Variants in PARD3B observed in about 807,000 individuals in gnomAD.
PARD3B encodes the protein partitioning defective 3 homolog B.
Under a neutral mutation model 130.2 loss-of-function variants are expected in PARD3B, and 103 were observed. That is an observed-to-expected ratio of 0.79 (90% confidence interval 0.67 to 0.93). The LOEUF (loss-of-function observed/expected upper bound fraction) is 0.93, where lower values mean the gene tolerates loss of function less well. PARD3B is among the 40% of genes least tolerant of loss of function. The pLI is 0.00. For missense variants in PARD3B, 1,609 were observed against 1,499.2 expected (o/e 1.07, Z -1.21); for synonymous variants, 583 against 553.2 (o/e 1.05, Z -0.76).
At chr2:204,948,185 G>A (rs576597087) in intron 2 of PARD3B, among the ~76,000 whole-genome samples, 1 of 152,278 alleles carries the variant, frequency 6.6e-6, no homozygotes, top group South Asian at 2.1e-4. Flanking sequence ...CAGCCTCTGA[G>A]GATTTATGGA....
At chr2:205,014,474 G>T (rs531256276) in intron 3 of PARD3B, among the ~76,000 whole-genome samples, 148 of 152,308 alleles carry the variant, frequency 9.7e-4, no homozygotes, top group Non-Finnish European at 1.1e-3. Flanking sequence ...ATGCCCCAGT[G>T]TGTGTGCCGA....
chr2:205,048,762 G>T (rs1387968356), intron 4 of PARD3B, among the ~76,000 whole-genome samples: 1 of 152,240 alleles, frequency 6.6e-6, no homozygotes, highest in African/African-American at 2.4e-5. Context: ...TAGATTTGTG[G>T]CAATATTTTG....
Position 205,228,508 on chromosome 2 carries a change from C to CT in PARD3B, c.2141-17266dup, listed in dbSNP as rs201043375. Reference sequence around the variant, plus strand: ...GAGCTCCATTGTTTATTATTTGTTTCTTTTCTCTTGCTGCTTTTGGGATCC... The same window carrying CT: ...GAGCTCCATTGTTTATTATTTGTTTCTTTTTCTCTTGCTGCTTTTGGGATCC... On this transcript the variant is annotated intron_variant, in intron 15 of 22. Transcript: ENST00000406610. Among the ~76,000 whole-genome samples, 107 of 151,980 alleles carry CT rather than the reference C, an allele frequency of 7.0e-4. 1 individual carries two copies. In the East Asian group the frequency reaches 0.019, roughly 27 times the overall value.
chr2:204,886,513 T>A (rs1444898635), intron 2 of PARD3B, among the ~76,000 whole-genome samples: 1 of 152,260 alleles, frequency 6.6e-6, no homozygotes, highest in Non-Finnish European at 1.5e-5. Flanking sequence ...GTCTATGTAC[T>A]TTTATCACAC....
At chr2:205,423,448 A>C (rs370736709) in intron 19 of PARD3B, among the ~76,000 whole-genome samples, 1 of 152,296 alleles carries the variant, frequency 6.6e-6, no homozygotes, top group South Asian at 2.1e-4. Context: ...GTACTTAGTA[A>C]ATACTCAATA....
chr2:204,721,019 T>C (rs1490679782), intron 2 of PARD3B, among the ~76,000 whole-genome samples: 3 of 152,094 alleles, frequency 2.0e-5, no homozygotes, highest in African/African-American at 7.2e-5. Context: ...AATCTGAGAA[T>C]GAGTACTACT....
At chr2:204,611,365 C>G (rs893605655) in intron 1 of PARD3B, among the ~76,000 whole-genome samples, 4 of 152,092 alleles carry the variant, frequency 2.6e-5, no homozygotes, top group African/African-American at 9.7e-5. Context: ...GTGGGGAAAC[C>G]CTTGTCATGA....
intron 1 of PARD3B, among the ~76,000 whole-genome samples, chr2:204,638,695 G>A (rs1212040139): frequency 6.6e-6 from 1 of 151,976 alleles, no homozygotes; most frequent in African/African-American, 2.4e-5. Flanking sequence ...GGGGAGGAGG[G>A]GGACTTCAAA....
At position 205,564,302 on chromosome 2, in the gene PARD3B, T is replaced by G. The variant is rs980293689; in HGVS notation, c.3260+10899T>G. Among the ~76,000 whole-genome samples the G allele has an allele frequency of 6.6e-6, 1 of 152,182 alleles. No homozygotes were observed. The highest frequency in any genetic ancestry group is 1.5e-5 in the Non-Finnish European group (1 of 68,034). On this transcript the variant is annotated intron_variant, in intron 22 of 22. Coordinates refer to ENST00000406610, the MANE Select transcript of PARD3B (RefSeq NM_001302769.2). This position sits in a 1 kb window ranked among gnomAD's most constrained non-coding sequence, Gnocchi z 4.6. ...TCCCACCCTAAATCACTGCAGTGTA[T>G]ATTAAAATGAGCATTTCAATGGATA...
intron 15 of PARD3B, among the ~76,000 whole-genome samples, chr2:205,218,601 A>G (rs1021010355): frequency 1.3e-5 from 2 of 152,126 alleles, no homozygotes; most frequent in African/African-American, 4.8e-5. Flanking sequence ...GATTTTGTAA[A>G]TCTCTTTCAA....
At chr2:204,710,024 T>C (rs1174766853) in intron 2 of PARD3B, among the ~76,000 whole-genome samples, 1 of 152,136 alleles carries the variant, frequency 6.6e-6, no homozygotes, top group Non-Finnish European at 1.5e-5. Flanking sequence ...CAGAGAAATA[T>C]AAAATTTTAT....
rs2031237890 is a variant in PARD3B at position 204,560,497 on chromosome 2, T to G, written c.120+14378T>G. ...GGGAAGTTGAGCAGGTTTCACTCCATGAGCTGTACGTGGCCAGGGGTTTGA... is the reference window on the plus strand; with the variant it reads ...GGGAAGTTGAGCAGGTTTCACTCCAGGAGCTGTACGTGGCCAGGGGTTTGA... On this transcript the variant is annotated intron_variant, in intron 1 of 22. Coordinates refer to ENST00000406610, the MANE Select transcript of PARD3B (RefSeq NM_001302769.2). Among the ~76,000 whole-genome samples the G allele has an allele frequency of 4.6e-5, 7 of 150,584 alleles. No homozygotes were observed. The Admixed American group carries it at 4.7e-4, about 10-fold the overall frequency.
intron 15 of PARD3B, among the ~76,000 whole-genome samples, chr2:205,198,690 G>A (rs1374284641): frequency 6.6e-6 from 1 of 151,934 alleles, no homozygotes; most frequent in African/African-American, 2.4e-5. Context: ...AGATGAGCAT[G>A]AAAAAAGCCC....
At chr2:204,882,074 G>A (rs1480378416) in intron 2 of PARD3B, among the ~76,000 whole-genome samples, 1 of 152,166 alleles carries the variant, frequency 6.6e-6, no homozygotes, top group East Asian at 1.9e-4. Context: ...GCAAGGGATA[G>A]AACAAGATCT....
At chr2:205,024,514 T>C (rs1696871557) in intron 3 of PARD3B, among the ~76,000 whole-genome samples, 1 of 152,166 alleles carries the variant, frequency 6.6e-6, no homozygotes, top group Non-Finnish European at 1.5e-5. Flanking sequence ...ATTTAAATTT[T>C]TTATTCCCAA....
chr2:205,209,566 G>A (rs2037508718), intron 15 of PARD3B, among the ~76,000 whole-genome samples: 1 of 148,600 alleles, frequency 6.7e-6, no homozygotes, highest in Non-Finnish European at 1.5e-5. Context: ...TATATAATGT[G>A]CAATTAAATA....
chr2:205,197,322 A>T (rs1322635609), intron 15 of PARD3B, among the ~76,000 whole-genome samples: 1 of 152,134 alleles, frequency 6.6e-6, no homozygotes, highest in Non-Finnish European at 1.5e-5. Context: ...GAGTTAATTA[A>T]TAGATTCCCC....
chr2:205,115,153 A>G (rs1172151124), intron 6 of PARD3B, among the ~76,000 whole-genome samples: 1 of 152,154 alleles, frequency 6.6e-6, no homozygotes. Flanking sequence ...AAACAAGCTG[A>G]TCCTATAGAT....
At chr2:204,767,020 C>CT (rs1553519525) in intron 2 of PARD3B, among the ~76,000 whole-genome samples, 7 of 28,998 alleles carry the variant, frequency 2.4e-4, no homozygotes, top group African/African-American at 3.3e-4. Context: ...TTATTATACT[C>CT]TAAGTTTTAG....
Sources: allele counts gnomAD v4.1 joint callset (sites outside exome capture counted in the v4.1 genomes callset), GRCh38; gene constraint gnomAD v4.1.1; non-coding constraint Gnocchi (gnomAD v3.1); transcripts MANE v1.5; gene names NCBI Gene and HGNC (gene_info 2026-07-23, HGNC 2026-07-21).